The following AFF3 variants were observed in gnomAD, a reference collection of about 807,000 sequenced individuals.
AFF3 encodes the protein ALF transcription elongation factor 3, also known as AF4/FMR2 family member 3.
AFF3 carries 32 observed loss-of-function variants against 129.7 expected under a neutral mutation model. The observed-to-expected ratio is 0.25, with a 90% CI of 0.19 to 0.33. The LOEUF (loss-of-function observed/expected upper bound fraction) is 0.33. AFF3 is among the 10% of genes least tolerant of loss of function. The pLI is 1.00. For missense variants in AFF3, 1,373 were observed against 1,592.0 expected, an observed-to-expected ratio of 0.86 and a Z score of 2.34; for synonymous variants, 644 against 635.4, an observed-to-expected ratio of 1.01 and a Z score of -0.20.
chr2:99,682,826 C>G (rs1189990081), intron 11 of AFF3, among the ~76,000 whole-genome samples: 1 of 152,192 alleles, frequency 6.6e-6, no homozygotes, highest in Non-Finnish European at 1.5e-5. Context: ...GCCTTTACTA[C>G]TCCCAGGACA....
intron 7 of AFF3, among the ~76,000 whole-genome samples, chr2:99,990,768 G>A (rs1230615896): frequency 1.3e-5 from 2 of 152,154 alleles, no homozygotes; most frequent in African/African-American, 2.4e-5. Flanking sequence ...AGAGACCTTC[G>A]AGAAGAGCAA....
chr2:99,824,549 A>C (rs1369304719), intron 8 of AFF3, among the ~76,000 whole-genome samples: 1 of 152,260 alleles, frequency 6.6e-6, no homozygotes, highest in African/African-American at 2.4e-5. Context: ...CATAGGATAT[A>C]ACTTTTATAA....
chr2:99,828,192 G>T (rs1688239553), intron 8 of AFF3, among the ~76,000 whole-genome samples: 1 of 152,188 alleles, frequency 6.6e-6, no homozygotes, highest in Admixed American at 6.5e-5. Flanking sequence ...TGTCTTAAAG[G>T]TTCCTGAGGG....
Position 99,562,973 on chromosome 2 carries a change from C to T in AFF3, c.3119+2514G>A, listed in dbSNP as rs189498443. Among the ~76,000 whole-genome samples the T allele has an allele frequency of 7.2e-3, 1,098 of 152,054 alleles. 39 individuals carry two copies. Among genetic ancestry groups the T allele is most frequent in the Admixed American group, 0.064 (971 of 15,288 alleles). Reference sequence around the variant, plus strand: ...GAGGAGAGGGTCACCAGGCTGAGCTCGTGTGGTGGCAGTGCTCCACTGACC... The same window carrying T: ...GAGGAGAGGGTCACCAGGCTGAGCTTGTGTGGTGGCAGTGCTCCACTGACC... On this transcript the variant is annotated intron_variant, in intron 20 of 24. Coordinates refer to ENST00000672756, the MANE Select transcript of AFF3 (RefSeq NM_001386135.1).
chr2:99,894,489 G>A (rs777230796), intron 7 of AFF3, among the ~76,000 whole-genome samples: 2 of 149,170 alleles, frequency 1.3e-5, no homozygotes, highest in East Asian at 2.0e-4. Context: ...TTTTTTTTGA[G>A]ACGGAGTCTC....
intron 8 of AFF3, among the ~76,000 whole-genome samples, chr2:99,785,622 C>A (rs960656036): frequency 6.6e-6 from 1 of 152,200 alleles, no homozygotes; most frequent in Non-Finnish European, 1.5e-5. Flanking sequence ...TTGTAGATAA[C>A]AGGCTTTTCT....
chr2:99,692,406 A>G (rs1042103604), intron 11 of AFF3, among the ~76,000 whole-genome samples: 1 of 152,100 alleles, frequency 6.6e-6, no homozygotes, highest in Non-Finnish European at 1.5e-5. Flanking sequence ...TAATGGCGGC[A>G]AGAGTTGGGA....
chr2:99,824,654 A>G (rs1254615156), intron 8 of AFF3, among the ~76,000 whole-genome samples: 1 of 152,234 alleles, frequency 6.6e-6, no homozygotes, highest in Non-Finnish European at 1.5e-5. Flanking sequence ...TAAATAAAAT[A>G]TATCAGCTAG....
intron 11 of AFF3, among the ~76,000 whole-genome samples, chr2:99,718,753 A>G (rs899383608): frequency 5.6e-5 from 8 of 143,098 alleles, no homozygotes; most frequent in African/African-American, 2.1e-4. Flanking sequence ...AGGTTTTTCA[A>G]TTTTTTTTTT....
At chr2:100,034,478 T>C (rs1684754226) in intron 4 of AFF3, among the ~76,000 whole-genome samples, 1 of 152,100 alleles carries the variant, frequency 6.6e-6, no homozygotes, top group South Asian at 2.1e-4. Context: ...TAAAAACTCA[T>C]TAGAAGGACT....
chr2:99,824,626 T>C (rs1302959374), intron 8 of AFF3, among the ~76,000 whole-genome samples: 1 of 152,150 alleles, frequency 6.6e-6, no homozygotes, highest in Non-Finnish European at 1.5e-5. Context: ...CTTATTAGTG[T>C]GTGTATGGGA....
intron 18 of AFF3, among the ~76,000 whole-genome samples, chr2:99,575,550 C>T (rs557801269): frequency 3.6e-4 from 54 of 151,924 alleles, no homozygotes; most frequent in Non-Finnish European, 5.7e-4. Context: ...CATGAGCCAC[C>T]GCGCCTGGCC....
At chr2:99,571,988 TA>T (rs941587499) in intron 18 of AFF3, among the ~76,000 whole-genome samples, 3 of 151,574 alleles carry the variant, frequency 2.0e-5, no homozygotes, top group African/African-American at 7.3e-5. Context: ...TCTAATCTTC[TA>T]TTTTTTTTTT....
At chr2:99,603,664 C>A (rs1035722272) in intron 13 of AFF3, among the ~76,000 whole-genome samples, 1 of 152,076 alleles carries the variant, frequency 6.6e-6, no homozygotes, top group African/African-American at 2.4e-5. Flanking sequence ...TTCTGCACAG[C>A]AAAAGAAACT....
intron 4 of AFF3, among the ~76,000 whole-genome samples, chr2:100,044,041 T>C (rs1225648999): frequency 6.6e-6 from 1 of 152,186 alleles, no homozygotes; most frequent in East Asian, 1.9e-4. Context: ...CCATCTCTAG[T>C]AATTAGAGCT....
chr2:100,115,914 G>C (rs1324395333), intron 2 of AFF3, among the ~76,000 whole-genome samples: 1 of 152,072 alleles, frequency 6.6e-6, no homozygotes, highest in Non-Finnish European at 1.5e-5. Flanking sequence ...CAATTTTATT[G>C]TTGTTCCTAT....
intron 15 of AFF3, among the ~76,000 whole-genome samples, chr2:99,592,773 A>G (rs1678816233): frequency 6.6e-6 from 1 of 151,986 alleles, no homozygotes; most frequent in African/African-American, 2.4e-5. Flanking sequence ...GTCTTTACTA[A>G]AAATACAAAA....
intron 7 of AFF3, among the ~76,000 whole-genome samples, chr2:99,841,402 T>C (rs1446178212): frequency 1.3e-5 from 2 of 152,190 alleles, no homozygotes; most frequent in African/African-American, 4.8e-5. Context: ...CATCAGGTCA[T>C]TCCCTACTAG....
At chr2:99,576,726 T>C (rs1471929995) in intron 18 of AFF3, among the ~76,000 whole-genome samples, 5 of 152,212 alleles carry the variant, frequency 3.3e-5, no homozygotes, top group Admixed American at 1.3e-4. Context: ...CAGGGTCTAA[T>C]GCTCCTTCTG....
Sources: gnomAD v4.1 joint callset for allele counts (sites outside exome capture counted in the v4.1 genomes callset) on GRCh38, gnomAD v4.1.1 for gene constraint, MANE v1.5 for transcripts, NCBI Gene and HGNC (gene_info 2026-07-23, HGNC 2026-07-21) for gene names.